The following AFAP1 variants were observed in gnomAD, a reference collection of about 807,000 sequenced individuals.
AFAP1 encodes the protein actin filament-associated protein 1.
Under a neutral mutation model 93.9 loss-of-function variants are expected in AFAP1, and 75 were observed. The observed-to-expected ratio is 0.80, with a 90% CI of 0.66 to 0.97. The LOEUF (loss-of-function observed/expected upper bound fraction) is 0.97, where lower values mean the gene tolerates loss of function less well. Among genes scored for constraint, AFAP1 ranks in the 50% least tolerant of loss-of-function variants. AFAP1 has a pLI of 0.00. For synonymous variants in AFAP1, 517 were observed against 430.7 expected, an observed-to-expected ratio of 1.20 and a Z score of -2.48; for missense variants, 1,201 against 1,050.8, an observed-to-expected ratio of 1.14 and a Z score of -1.98.
chr4:7,912,244 A>G (rs1286895507), intron 1 of AFAP1, among the ~76,000 whole-genome samples: 2 of 152,228 alleles, frequency 1.3e-5, no homozygotes, highest in Non-Finnish European at 1.5e-5. Flanking sequence ...CGTTTTATAA[A>G]TAATGCTGCT....
At chr4:7,936,013 A>G (rs983026961) in intron 1 of AFAP1, among the ~76,000 whole-genome samples, 3 of 152,250 alleles carry the variant, frequency 2.0e-5, no homozygotes, top group Non-Finnish European at 4.4e-5. Context: ...GCCCTCTCCT[A>G]AGATCACATT....
chr4:7,880,803 T>C (rs184277567), intron 1 of AFAP1, among the ~76,000 whole-genome samples: 2 of 152,222 alleles, frequency 1.3e-5, no homozygotes, highest in Admixed American at 1.3e-4. Context: ...GAGAAAGAAA[T>C]GTCTACTGTT....
intron 8 of AFAP1, among the ~76,000 whole-genome samples, chr4:7,812,573 A>G (rs989996315): frequency 9.2e-5 from 14 of 152,182 alleles, no homozygotes; most frequent in African/African-American, 3.4e-4. Context: ...CACAGATCAC[A>G]GAACCAGGAA....
intron 1 of AFAP1, among the ~76,000 whole-genome samples, chr4:7,911,472 G>A (rs200080691): frequency 6.6e-6 from 1 of 152,208 alleles, no homozygotes; most frequent in African/African-American, 2.4e-5. Flanking sequence ...AATGATTCCA[G>A]AGCCGCTATT....
In AFAP1 at chr4:7,761,482, G is replaced by A. The variant is rs889165411; in HGVS notation, c.*2283C>T. ...CGGGGCCTCCTTGCCTGGTGAGGAA[G>A]CTGGTGGGTGACGGCTAAGGCCCAC... On this transcript the variant is annotated 3_prime_UTR_variant, in exon 18 of 18. Transcript: ENST00000420658. 3 of 152,328 alleles carry A rather than the reference G, an allele frequency of 2.0e-5. No homozygotes were observed. The highest frequency in any genetic ancestry group is 7.2e-5 in the African/African-American group (3 of 41,484). 9.4% of individuals were successfully genotyped at this position (152,328 alleles called of 1,614,324 possible). A position where few individuals can be genotyped will look rare whatever the true frequency, so the allele number is the denominator to read the frequency against.
At chr4:7,785,140 C>T (rs369808650) in intron 12 of AFAP1, among the ~76,000 whole-genome samples, 1 of 152,146 alleles carries the variant, frequency 6.6e-6, no homozygotes, top group Non-Finnish European at 1.5e-5. Context: ...TCTGAACGCC[C>T]AGGGCCGGGC....
intron 4 of AFAP1, among the ~76,000 whole-genome samples, chr4:7,846,893 G>T (rs1020351545): frequency 6.6e-6 from 1 of 152,222 alleles, no homozygotes; most frequent in Admixed American, 6.5e-5. Context: ...TAGGCTTGGT[G>T]AATGACAGGA....
intron 5 of AFAP1, among the ~76,000 whole-genome samples, chr4:7,840,265 TG>T: frequency 1.4e-5 from 1 of 70,004 alleles, no homozygotes; most frequent in East Asian, 2.2e-3. Flanking sequence ...TTTTGGGATG[TG>T]TGTGTGTGTG....
In AFAP1 at chr4:7,934,250, A is replaced by G. The variant is rs558075839; in HGVS notation, c.-3+5406T>C. Among the ~76,000 whole-genome samples the G allele has an allele frequency of 7.9e-5, 12 of 152,314 alleles. No individual in the cohort carries two copies. In the East Asian group the frequency reaches 2.3e-3, roughly 29 times the overall value. On this transcript the variant is annotated intron_variant, in intron 1 of 17. Coordinates refer to ENST00000420658, the MANE Select transcript of AFAP1 (RefSeq NM_001134647.2). ...AGCTCTAAGTACCACACAGAAGACT[A>G]AACACCAGACTAACCCGGCTCCAGA...
chr4:7,833,084 T>C (rs926726850), intron 6 of AFAP1, among the ~76,000 whole-genome samples: 8 of 152,198 alleles, frequency 5.3e-5, no homozygotes, highest in African/African-American at 1.7e-4. Flanking sequence ...CTTCTAGACA[T>C]TGGCTTAGGC....
At chr4:7,848,099 AGAAGGAAGGAAGGAAGGAAGGAAG>A (rs143271001) in intron 4 of AFAP1, among the ~76,000 whole-genome samples, 2 of 116,020 alleles carry the variant, frequency 1.7e-5, no homozygotes, top group African/African-American at 4.1e-5. Flanking sequence ...AGGGAAGGAA[AGAAGGAAGGAAGGAAGGAAGGAAG>A]GAAGGGAGTG....
chr4:7,937,535 G>A (rs1721460138), intron 1 of AFAP1, among the ~76,000 whole-genome samples: 1 of 152,168 alleles, frequency 6.6e-6, no homozygotes, highest in Non-Finnish European at 1.5e-5. Flanking sequence ...CGCCCAGGCT[G>A]GAGTGCAGTG....
At chr4:7,910,549 T>C (rs1420548593) in intron 1 of AFAP1, among the ~76,000 whole-genome samples, 1 of 152,216 alleles carries the variant, frequency 6.6e-6, no homozygotes, top group Non-Finnish European at 1.5e-5. Flanking sequence ...GCAATCAGCC[T>C]ACCAAGTCAA....
At chr4:7,797,463 C>A (rs1023530478) in intron 10 of AFAP1, among the ~76,000 whole-genome samples, 13 of 152,176 alleles carry the variant, frequency 8.5e-5, no homozygotes, top group African/African-American at 3.1e-4. Context: ...ATGAAACATG[C>A]CGCCACCTCC....
At chr4:7,937,405 G>A (rs753010755) in intron 1 of AFAP1, among the ~76,000 whole-genome samples, 2 of 152,208 alleles carry the variant, frequency 1.3e-5, no homozygotes, top group Non-Finnish European at 2.9e-5. Context: ...TGTAGTTTAC[G>A]ATCCTCAAAG....
chr4:7,815,826 C>A (rs1006372058), intron 8 of AFAP1, among the ~76,000 whole-genome samples, 192 bp downstream of exon 8: 5 of 152,160 alleles, frequency 3.3e-5, no homozygotes, highest in East Asian at 1.9e-4. Flanking sequence ...AAAAAGAAGA[C>A]CTGCAGGGTT....
intron 1 of AFAP1, among the ~76,000 whole-genome samples, chr4:7,938,274 A>G (rs1721510675): frequency 6.6e-6 from 1 of 152,318 alleles, no homozygotes; most frequent in African/African-American, 2.4e-5. Context: ...TTTGTCTTGT[A>G]TGCCTGTTAC....
intron 1 of AFAP1, among the ~76,000 whole-genome samples, chr4:7,903,175 A>G (rs1719212337): frequency 6.6e-6 from 1 of 152,218 alleles, no homozygotes. Context: ...CTTTCAGCCA[A>G]TTGATTCATT....
At chr4:7,889,202 A>G (rs1718298600) in intron 1 of AFAP1, among the ~76,000 whole-genome samples, 2 of 152,234 alleles carry the variant, frequency 1.3e-5, no homozygotes, top group Admixed American at 6.5e-5. Flanking sequence ...CTGGAAAATC[A>G]TTAAGTATAA....
Sources: gnomAD v4.1 joint callset for allele counts (sites outside exome capture counted in the v4.1 genomes callset) on GRCh38, gnomAD v4.1.1 for gene constraint, MANE v1.5 for transcripts, NCBI Gene and HGNC (gene_info 2026-07-23, HGNC 2026-07-21) for gene names.